Variants in CACNA2D3 observed in about 807,000 individuals in gnomAD.
CACNA2D3 encodes calcium voltage-gated channel auxiliary subunit alpha2delta 3.
In CACNA2D3, 60 loss-of-function variants were observed where a neutral mutation model predicts 160.6. The observed-to-expected ratio is 0.37, with a 90% CI of 0.30 to 0.46. The LOEUF is 0.46. Ranked by LOEUF, CACNA2D3 falls within the 20% of genes least tolerant of loss-of-function variation. CACNA2D3 has a pLI of 1.00. For missense variants in CACNA2D3, 1,205 were observed against 1,365.0 expected, an observed-to-expected ratio of 0.88 and a Z score of 1.85; for synonymous variants, 558 against 492.9, an observed-to-expected ratio of 1.13 and a Z score of -1.75.
intron 9 of CACNA2D3, among the ~76,000 whole-genome samples, chr3:54,613,668 A>T (rs1208228852): frequency 6.6e-6 from 1 of 152,192 alleles, no homozygotes; most frequent in East Asian, 1.9e-4. Context: ...GAACACAAAC[A>T]CTGAATGCCT....
chr3:54,322,824 A>C (rs1704033597), intron 3 of CACNA2D3, among the ~76,000 whole-genome samples: 1 of 152,206 alleles, frequency 6.6e-6, no homozygotes, highest in Non-Finnish European at 1.5e-5. Context: ...AAGATAAAAA[A>C]AAAAAGACGA....
chr3:54,628,218 T>G (rs889282188), intron 10 of CACNA2D3, among the ~76,000 whole-genome samples: 5 of 151,376 alleles, frequency 3.3e-5, no homozygotes, highest in African/African-American at 9.7e-5. Context: ...AGAGCGAGAC[T>G]CCGTCTCAAA....
At chr3:54,687,232 C>T (rs1367811163) in intron 11 of CACNA2D3, among the ~76,000 whole-genome samples, 1 of 149,832 alleles carries the variant, frequency 6.7e-6, no homozygotes, top group East Asian at 2.0e-4. Context: ...CCTCCGCCTC[C>T]CAGGTTCAAG....
chr3:54,961,417 T>C (rs1486807380), intron 27 of CACNA2D3, among the ~76,000 whole-genome samples: 5 of 152,206 alleles, frequency 3.3e-5, no homozygotes, highest in African/African-American at 1.2e-4. Context: ...TAGCAGGTAA[T>C]TTATTTATTA....
At chr3:54,538,057 G>T (rs187060472) in intron 5 of CACNA2D3, among the ~76,000 whole-genome samples, 1 of 152,198 alleles carries the variant, frequency 6.6e-6, no homozygotes, top group Non-Finnish European at 1.5e-5. Flanking sequence ...GTGTCCACCT[G>T]GGGAGTAGAA....
At chr3:54,497,445 A>G (rs2106933725) in intron 4 of CACNA2D3, among the ~76,000 whole-genome samples, 1 of 152,184 alleles carries the variant, frequency 6.6e-6, no homozygotes, top group African/African-American at 2.4e-5. Context: ...TTGAAATAAA[A>G]TGGATTTTGT....
intron 35 of CACNA2D3, among the ~76,000 whole-genome samples, chr3:55,028,997 A>G (rs76337358): frequency 7.7e-4 from 118 of 152,314 alleles, no homozygotes; most frequent in Non-Finnish European, 8.2e-4. Context: ...CGTGGGCTAC[A>G]GTTCAGAAAA....
chr3:54,418,827 G>T (rs191993478), intron 4 of CACNA2D3, among the ~76,000 whole-genome samples: 1 of 152,174 alleles, frequency 6.6e-6, no homozygotes, highest in Non-Finnish European at 1.5e-5. Flanking sequence ...CCAGTTTGGG[G>T]TAACCTTTAT....
chr3:54,987,663 A>G lies in CACNA2D3; in HGVS notation c.2620-20A>G, dbSNP rs748954299. ...GCACATTATTTATCTACACCTCCTC[A>G]TATGTCTTCTTCCCCATAGACTGGA... On this transcript the variant is annotated intron_variant, in intron 30 of 37. Transcript: ENST00000474759. 15 of 1,550,498 alleles carry G rather than the reference A, an allele frequency of 9.7e-6. No homozygotes were observed. The South Asian group carries it at 1.5e-4, about 16-fold the overall frequency.
At chr3:54,832,558 C>T (rs1449833622) in intron 14 of CACNA2D3, among the ~76,000 whole-genome samples, 1 of 152,164 alleles carries the variant, frequency 6.6e-6, no homozygotes, top group Non-Finnish European at 1.5e-5. Context: ...CTTTCTCCTG[C>T]GTTTGTTAGA....
At chr3:54,769,736 C>G (rs918201144) in intron 13 of CACNA2D3, among the ~76,000 whole-genome samples, 1 of 152,110 alleles carries the variant, frequency 6.6e-6, no homozygotes, top group Non-Finnish European at 1.5e-5. Flanking sequence ...CTGGATTCTT[C>G]TTTCTTTGAG....
At chr3:54,910,466 C>G (rs140533251) in intron 27 of CACNA2D3, among the ~76,000 whole-genome samples, 1 of 152,102 alleles carries the variant, frequency 6.6e-6, no homozygotes, top group Admixed American at 6.6e-5. Context: ...GTTCTTTTGT[C>G]GTGGCCTATT....
chr3:54,141,447 C>G (rs1699933794), intron 2 of CACNA2D3, among the ~76,000 whole-genome samples: 1 of 152,160 alleles, frequency 6.6e-6, no homozygotes, highest in Non-Finnish European at 1.5e-5. Flanking sequence ...AGGCAATGGT[C>G]TATGAAACTT....
intron 27 of CACNA2D3, among the ~76,000 whole-genome samples, chr3:54,954,963 A>T (rs1397347266): frequency 6.6e-6 from 1 of 152,162 alleles, no homozygotes; most frequent in Non-Finnish European, 1.5e-5. Flanking sequence ...GCTTTTATTG[A>T]ATGCTTACTG....
chr3:54,129,490 CATT>C (rs1299469772), intron 2 of CACNA2D3, among the ~76,000 whole-genome samples: 3 of 152,094 alleles, frequency 2.0e-5, no homozygotes, highest in Non-Finnish European at 4.4e-5. Context: ...CCCAAATCAA[CATT>C]ATGAAAATAA....
At chr3:54,864,773 A>G (rs1404420775) in intron 17 of CACNA2D3, among the ~76,000 whole-genome samples, 5 of 152,194 alleles carry the variant, frequency 3.3e-5, no homozygotes, top group Admixed American at 1.3e-4. Flanking sequence ...AGCCAGGAGA[A>G]GAGCACCTCA....
intron 11 of CACNA2D3, among the ~76,000 whole-genome samples, chr3:54,722,919 G>A (rs1350749321): frequency 6.6e-6 from 1 of 152,206 alleles, no homozygotes; most frequent in African/African-American, 2.4e-5. Context: ...GAGCTCGAAC[G>A]CCGTACTGGG....
intron 2 of CACNA2D3, among the ~76,000 whole-genome samples, chr3:54,129,962 G>A (rs1176980379): frequency 6.6e-6 from 1 of 152,212 alleles, no homozygotes; most frequent in African/African-American, 2.4e-5. Flanking sequence ...ATGAACCAGG[G>A]CAGTAGGACA....
At chr3:54,937,402 T>C (rs1383938713) in intron 27 of CACNA2D3, among the ~76,000 whole-genome samples, 1 of 152,152 alleles carries the variant, frequency 6.6e-6, no homozygotes, top group African/African-American at 2.4e-5. Context: ...CAGCAATCTG[T>C]GCTTGCACCA....
Sources: allele counts gnomAD v4.1 joint callset (sites outside exome capture counted in the v4.1 genomes callset), GRCh38; gene constraint gnomAD v4.1.1; transcripts MANE v1.5; gene names NCBI Gene and HGNC (gene_info 2026-07-23, HGNC 2026-07-21).